The following PRIMA1 variants were observed in gnomAD, a reference collection of about 807,000 sequenced individuals.
PRIMA1 encodes the protein proline-rich membrane anchor 1.
In PRIMA1, 7 loss-of-function variants were observed where a neutral mutation model predicts 17.5. The ratio of observed to expected loss-of-function variants is 0.40; its 90% CI spans 0.23 to 0.75. PRIMA1 has a LOEUF of 0.75. PRIMA1 is among the 30% of genes least tolerant of loss of function. The pLI, the probability that PRIMA1 is intolerant of heterozygous loss-of-function variation, is 0.37. For synonymous variants in PRIMA1, 97 were observed against 77.9 expected, an observed-to-expected ratio of 1.25 and a Z score of -1.29; for missense variants, 200 against 201.8, an observed-to-expected ratio of 0.99 and a Z score of 0.05.
chr14:93,779,210 TGGGGGCGGC>T lies in PRIMA1; in HGVS notation c.186_194del (p.Pro68_Pro70del). On this transcript the variant is annotated inframe_deletion, in exon 3 of 5. Coordinates refer to ENST00000393140, the MANE Select transcript of PRIMA1 (RefSeq NM_178013.4). ...AGAGGAGTCTGGGAGGTGGCGGGGG[TGGGGGCGGC>T]GGGGGCAGCGGGGGAGGGGGCCGGC... 2.9e-6 allele frequency: 1 copy of T among 343,202 alleles called. No homozygotes were observed. 21.3% of individuals were successfully genotyped at this position (343,202 alleles called of 1,614,324 possible).
intron 3 of PRIMA1, 69 bp downstream of exon 3, chr14:93,779,107 C>G (rs1885305653): frequency 8.4e-7 from 1 of 1,194,238 alleles, no homozygotes; most frequent in South Asian, 1.9e-5. Context: ...CTCGGCCACA[C>G]TCAGTGGATC....
At chr14:93,731,620 C>T (rs1159235170) in intron 4 of PRIMA1, among the ~76,000 whole-genome samples, 4 of 152,222 alleles carry the variant, frequency 2.6e-5, no homozygotes, top group Non-Finnish European at 5.9e-5. Context: ...ACAACCTTCA[C>T]TCCTTTCTCC....
chr14:93,741,062 T>C (rs959328287), intron 3 of PRIMA1, among the ~76,000 whole-genome samples: 8 of 152,228 alleles, frequency 5.3e-5, no homozygotes, highest in East Asian at 1.9e-4. Flanking sequence ...TATCACCGCA[T>C]GTGTATGAGA....
rs189282790 is a variant in PRIMA1 at position 93,755,508 on chromosome 14, G to A, written c.230-18138C>T. Among the ~76,000 whole-genome samples the A allele has an allele frequency of 1.8e-4, 27 of 152,326 alleles. No homozygotes were observed. The South Asian group carries it at 3.1e-3, about 18-fold the overall frequency. On this transcript the variant is annotated intron_variant, in intron 3 of 4. Coordinates refer to ENST00000393140, the MANE Select transcript of PRIMA1 (RefSeq NM_178013.4). ...CTAACTGAGTAGGAAAACCAGAGCC[G>A]AGTAGGAATGGGGTTCTTTGTGGTC...
intron 2 of PRIMA1, among the ~76,000 whole-genome samples, chr14:93,783,430 T>C (rs1301060355): frequency 6.6e-6 from 1 of 152,220 alleles, no homozygotes; most frequent in Non-Finnish European, 1.5e-5. Flanking sequence ...CTGGTTCCAC[T>C]TGGGGGTTCT....
At chr14:93,780,120 G>T (rs900674540) in intron 2 of PRIMA1, among the ~76,000 whole-genome samples, 2 of 152,266 alleles carry the variant, frequency 1.3e-5, no homozygotes, top group East Asian at 3.9e-4. Flanking sequence ...CCAGGCCCCC[G>T]GCCTCTGCAA....
intron 3 of PRIMA1, among the ~76,000 whole-genome samples, chr14:93,739,555 T>C (rs980944629): frequency 2.0e-5 from 3 of 152,112 alleles, no homozygotes; most frequent in Non-Finnish European, 4.4e-5. Context: ...TGCCAAGCTG[T>C]TTTTCCTGAA....
chr14:93,742,873 T>C (rs1481828121), intron 3 of PRIMA1, among the ~76,000 whole-genome samples: 2 of 152,122 alleles, frequency 1.3e-5, no homozygotes, highest in African/African-American at 4.8e-5. Context: ...CCAGGGGCCT[T>C]GCGACGGTAC....
chr14:93,725,246 A>G (rs2076067352), intron 4 of PRIMA1, among the ~76,000 whole-genome samples: 1 of 150,440 alleles, frequency 6.6e-6, no homozygotes, highest in Non-Finnish European at 1.5e-5. Flanking sequence ...GGCCCCAGAC[A>G]GGAGCATTCG....
At chr14:93,787,057 C>A (rs1055384968) in intron 2 of PRIMA1, among the ~76,000 whole-genome samples, 1 of 152,146 alleles carries the variant, frequency 6.6e-6, no homozygotes, top group African/African-American at 2.4e-5. Context: ...TGAAACCCCT[C>A]TCTGACCCTA....
chr14:93,742,541 C>A (rs1566967313), intron 3 of PRIMA1, among the ~76,000 whole-genome samples: 1 of 152,168 alleles, frequency 6.6e-6, no homozygotes. Flanking sequence ...GATGTGCCCA[C>A]CTGTATGGGG....
intron 3 of PRIMA1, among the ~76,000 whole-genome samples, chr14:93,745,326 C>T (rs2076210379): frequency 6.6e-6 from 1 of 152,232 alleles, no homozygotes; most frequent in South Asian, 2.1e-4. Flanking sequence ...GCCCAAGCCA[C>T]AAGGGTGGGC....
intron 4 of PRIMA1, among the ~76,000 whole-genome samples, chr14:93,724,613 G>A (rs1241504316): frequency 6.6e-6 from 1 of 152,182 alleles, no homozygotes; most frequent in Non-Finnish European, 1.5e-5. Flanking sequence ...CTTACAGTGA[G>A]ATCCTGTGCT....
At chr14:93,777,991 G>C (rs975265414) in intron 3 of PRIMA1, among the ~76,000 whole-genome samples, 1 of 152,238 alleles carries the variant, frequency 6.6e-6, no homozygotes, top group Non-Finnish European at 1.5e-5. Flanking sequence ...TCCAAGAGTA[G>C]GTGCAGGCCC....
At chr14:93,725,262 C>T (rs180867123) in intron 4 of PRIMA1, among the ~76,000 whole-genome samples, 8 of 150,586 alleles carry the variant, frequency 5.3e-5, no homozygotes, top group East Asian at 1.9e-4. Flanking sequence ...ATTCGGGAGC[C>T]CGCGCGTGGT....
chr14:93,788,501 G>A (rs533185940), upstream of PRIMA1: 1,063 of 152,388 alleles, frequency 7.0e-3, 12 homozygotes, highest in Non-Finnish European at 0.01. Flanking sequence ...CAGCCGGACA[G>A]CCCCCATTTA....
At chr14:93,764,004 G>A (rs1191556719) in intron 3 of PRIMA1, among the ~76,000 whole-genome samples, 1 of 152,028 alleles carries the variant, frequency 6.6e-6, no homozygotes, top group Non-Finnish European at 1.5e-5. Flanking sequence ...TCCTCCGAGA[G>A]AAGCATCTGA....
rs540185643 is a variant in PRIMA1 at position 93,765,946 on chromosome 14, G to A, written c.229+13230C>T. ...GATGATTTTCTAATTTGCCTTCATCGATAATATATAAAATGAGGGTAGTGA... is the reference window on the plus strand; with the variant it reads ...GATGATTTTCTAATTTGCCTTCATCAATAATATATAAAATGAGGGTAGTGA... On this transcript the variant is annotated intron_variant, in intron 3 of 4. Transcript: ENST00000393140. 7.9e-5 allele frequency among the ~76,000 whole-genome samples: 12 copies of A among 152,174 alleles called. 1 individual carries two copies. The highest frequency in any genetic ancestry group is 2.6e-4 in the African/African-American group (11 of 41,516).
chr14:93,737,221 T>A lies in PRIMA1; in HGVS notation c.359+20A>T. 6.2e-7 allele frequency: 1 copy of A among 1,613,256 alleles called. No individual in the cohort carries two copies. Among genetic ancestry groups the A allele is most frequent in the Non-Finnish European group, 8.5e-7 (1 of 1,179,446 alleles). ...GGGTTCCCTTCGGCTTGAAGCTGGG[T>A]GCAGTGAGTGAGCACTCACCTTTTT... On this transcript the variant is annotated intron_variant, in intron 4 of 4. Coordinates refer to ENST00000393140, the MANE Select transcript of PRIMA1 (RefSeq NM_178013.4).
Sources: gnomAD v4.1 joint callset for allele counts (sites outside exome capture counted in the v4.1 genomes callset) on GRCh38, gnomAD v4.1.1 for gene constraint, MANE v1.5 for transcripts, NCBI Gene and HGNC (gene_info 2026-07-23, HGNC 2026-07-21) for gene names.